Variants in USP22 observed in about 807,000 individuals in gnomAD.
The protein encoded by USP22 is ubiquitin specific peptidase 22.
A neutral mutation model predicts 68.1 loss-of-function variants in USP22; 22 were observed. The observed-to-expected ratio is 0.32, with a 90% CI of 0.23 to 0.46. The LOEUF is 0.46. Ranked by LOEUF, USP22 falls within the 20% of genes least tolerant of loss-of-function variation. USP22 has a pLI of 1.00. For synonymous variants in USP22, 279 were observed against 274.2 expected, an observed-to-expected ratio of 1.02 and a Z score of -0.17; for missense variants, 433 against 695.8, an observed-to-expected ratio of 0.62 and a Z score of 4.25.
chr17:21,011,569 C>A (rs1913971249), intron 7 of USP22: 1 of 442,258 alleles, frequency 2.3e-6, no homozygotes, highest in Admixed American at 3.9e-5. Context: ...AGTCTGGAGA[C>A]CATCACAGTC....
chr17:21,039,376 G>A (rs992162929), intron 1 of USP22, among the ~76,000 whole-genome samples: 8 of 151,660 alleles, frequency 5.3e-5, no homozygotes, highest in African/African-American at 1.2e-4. Context: ...TTGGGAGTTC[G>A]AGACCAGTCT....
chr17:20,999,755 C>A lies in USP22; in HGVS notation c.*3276G>T, dbSNP rs6618. ...GCACAGTCATTGGAATTTTTTTCTT[C>A]ATTTTTATTTTCAAACTTACAGTAA... On this transcript the variant is annotated 3_prime_UTR_variant, in exon 13 of 13. Coordinates refer to ENST00000261497, the MANE Select transcript of USP22 (RefSeq NM_015276.2). The A allele has an allele frequency of 0.46, 69,782 of 152,072 alleles. 17,350 individuals carry two copies. The highest frequency in any genetic ancestry group is 0.57 in the South Asian group (2,759 of 4,818). 9.4% of individuals were successfully genotyped at this position (152,072 alleles called of 1,614,324 possible). A position where few individuals can be genotyped will look rare whatever the true frequency, so the allele number is the denominator to read the frequency against.
chr17:21,024,412 C>T (rs1391855599), intron 2 of USP22, among the ~76,000 whole-genome samples: 1 of 152,142 alleles, frequency 6.6e-6, no homozygotes, highest in Non-Finnish European at 1.5e-5. Context: ...CTGCATAAAA[C>T]CAACCGACAT....
rs1289881792 is a variant in USP22 at position 21,000,623 on chromosome 17, CAG to C, written c.*2406_*2407del. ...GGTCTGGCCAAACCCAGGCAGCTGC[CAG>C]AAAGCCTTCTGCACTCCGCAAGACA... On this transcript the variant is annotated 3_prime_UTR_variant, in exon 13 of 13. Transcript: ENST00000261497. 6.6e-6 allele frequency: 1 copy of C among 152,168 alleles called. No individual in the cohort carries two copies. The highest frequency in any genetic ancestry group is 2.4e-5 in the African/African-American group (1 of 41,444). 9.4% of individuals were successfully genotyped at this position (152,168 alleles called of 1,614,324 possible).
chr17:21,020,365 TGTGGCCACACG>T (rs974924796), intron 3 of USP22, among the ~76,000 whole-genome samples: 1 of 151,844 alleles, frequency 6.6e-6, no homozygotes, highest in African/African-American at 2.4e-5. Flanking sequence ...AACCAGTGTG[TGTGGCCACACG>T]GTGGCGACGG....
At chr17:21,026,480 C>T (rs550370813) in intron 2 of USP22, among the ~76,000 whole-genome samples, 4 of 152,092 alleles carry the variant, frequency 2.6e-5, no homozygotes, top group South Asian at 4.1e-4. Flanking sequence ...CACACCACCA[C>T]GCCCTGCTAA....
At chr17:21,003,106 TCTAACTC>T (rs1421078244) in intron 12 of USP22, 33 bp from the exon 13 acceptor site, 21 of 1,612,824 alleles carry the variant, frequency 1.3e-5, no homozygotes, top group Non-Finnish European at 1.7e-5. Flanking sequence ...GAGGCTCACC[TCTAACTC>T]CTAAGACAGG....
intron 8 of USP22, among the ~76,000 whole-genome samples, chr17:21,009,757 C>T (rs1188790392): frequency 6.6e-6 from 1 of 152,132 alleles, no homozygotes; most frequent in East Asian, 1.9e-4. Flanking sequence ...GAGTTTGGGA[C>T]TACCCTGGCC....
At chr17:21,040,605 A>C (rs910816165) in intron 1 of USP22, among the ~76,000 whole-genome samples, 1 of 149,528 alleles carries the variant, frequency 6.7e-6, no homozygotes, top group African/African-American at 2.5e-5. Context: ...AAGTAGCGCA[A>C]AAAAAAAAAG....
intron 1 of USP22, chr17:21,042,357 A>C (rs1444603011): frequency 2.1e-5 from 3 of 143,522 alleles, no homozygotes; most frequent in Non-Finnish European, 3.8e-5. Context: ...GGCGGAGAGA[A>C]AGGAGGGGGA....
In USP22 at chr17:21,001,797, A is replaced by G. The variant is rs971453815; in HGVS notation, c.*1234T>C. 4 of 152,230 alleles carry G rather than the reference A, an allele frequency of 2.6e-5. No homozygotes were observed. The highest frequency in any genetic ancestry group is 5.9e-5 in the Non-Finnish European group (4 of 68,028). 9.4% of individuals were successfully genotyped at this position (152,230 alleles called of 1,614,324 possible). A position where few individuals can be genotyped will look rare whatever the true frequency, so the allele number is the denominator to read the frequency against. On this transcript the variant is annotated 3_prime_UTR_variant, in exon 13 of 13. Transcript: ENST00000261497. ...TAATTTCTCAGTGGACAAATGGACA[A>G]ACCATCTCTGTTTGAATTTGAATAC... is the stretch of plus-strand genomic sequence containing the variant.
chr17:21,041,550 A>G (rs1567595547), intron 1 of USP22, among the ~76,000 whole-genome samples: 2 of 152,194 alleles, frequency 1.3e-5, no homozygotes. Context: ...GTGAGCCGAA[A>G]TCGCGCCACT....
intron 1 of USP22, among the ~76,000 whole-genome samples, chr17:21,037,405 G>C (rs1047506070): frequency 2.0e-5 from 3 of 151,778 alleles, no homozygotes; most frequent in African/African-American, 7.3e-5. Flanking sequence ...ACATGACTTC[G>C]GCCATTCAGT....
In USP22 at chr17:21,021,132, T is replaced by C; in HGVS notation, c.399A>G (p.Arg133=). ...DMEIIAKEEQ[R]KAWKMQGVGE... ...CCAAACCTTGCATTTTCCAAGCTTT[T>C]CGCTGCTCCTCCTTGGCGATTATTT... Residue 133 remains arginine (R), a synonymous_variant, in exon 3 of 13, where the codon CGA becomes CGG. Transcript: ENST00000261497. 1 of 1,614,170 alleles carries C rather than the reference T, an allele frequency of 6.2e-7. No homozygotes were observed.
At position 21,012,939 on chromosome 17, in the gene USP22, G is replaced by A; in HGVS notation, c.839-4C>T. Reference sequence around the variant, plus strand: ...GCCTTCTTCCCATTGTCATCACCTGGAGACAGACCACGGCTCTGGGATTAG... The same window carrying A: ...GCCTTCTTCCCATTGTCATCACCTGAAGACAGACCACGGCTCTGGGATTAG... On this transcript the variant is annotated splice_region_variant and splice_polypyrimidine_tract_variant and intron_variant, in intron 6 of 12. Transcript: ENST00000261497. 1.2e-6 allele frequency: 2 copies of A among 1,613,522 alleles called. No homozygotes were observed. Among genetic ancestry groups the A allele is most frequent in the Non-Finnish European group, 1.7e-6 (2 of 1,179,600 alleles).
intron 2 of USP22, among the ~76,000 whole-genome samples, chr17:21,028,058 A>C (rs1035487425): frequency 1.3e-5 from 2 of 152,208 alleles, no homozygotes; most frequent in Admixed American, 1.3e-4. Flanking sequence ...TGAAAGGTAA[A>C]TTAATCTTGA....
chr17:21,032,157 C>T (rs1481110597), intron 1 of USP22, among the ~76,000 whole-genome samples: 1 of 128,714 alleles, frequency 7.8e-6, no homozygotes, highest in Admixed American at 7.1e-5. Flanking sequence ...CAGTACGGTA[C>T]GTGCTGTACA....
At position 21,032,709 on chromosome 17, in the gene USP22, T is replaced by C. The variant is rs9896147; in HGVS notation, c.172-4035A>G. 2.4e-3 allele frequency among the ~76,000 whole-genome samples: 360 copies of C among 151,756 alleles called. 3 individuals carry two copies. The highest frequency in any genetic ancestry group is 8.4e-3 in the African/African-American group (349 of 41,362). On this transcript the variant is annotated intron_variant, in intron 1 of 12. Coordinates refer to ENST00000261497, the MANE Select transcript of USP22 (RefSeq NM_015276.2). ...AATGCAGCACTTTGGGAGGCCGAGG[T>C]GGGAGGACAGCTTGAGGCCAGGAGT...
At chr17:21,041,458 C>A (rs565035952) in intron 1 of USP22, among the ~76,000 whole-genome samples, 1 of 151,884 alleles carries the variant, frequency 6.6e-6, no homozygotes, top group Non-Finnish European at 1.5e-5. Context: ...ATTAGCCGGG[C>A]GTGGTAGCAG....
Sources: gnomAD v4.1 joint callset for allele counts (sites outside exome capture counted in the v4.1 genomes callset) on GRCh38, gnomAD v4.1.1 for gene constraint, MANE v1.5 for transcripts, NCBI Gene and HGNC (gene_info 2026-07-23, HGNC 2026-07-21) for gene names.